Variants in PLD5 observed in about 807,000 individuals in gnomAD.
PLD5 encodes inactive phospholipase D5.
In PLD5, 36 loss-of-function variants were observed where a neutral mutation model predicts 61.1. That is an observed-to-expected ratio of 0.59 (90% CI 0.45 to 0.78). The LOEUF is 0.78. Ranked by LOEUF, PLD5 falls within the 30% of genes least tolerant of loss-of-function variation. The pLI, the probability that PLD5 is intolerant of heterozygous loss-of-function variation, is 0.00. For missense variants in PLD5, 515 were observed against 644.4 expected (o/e 0.80, Z 2.17); for synonymous variants, 243 against 242.8 (o/e 1.00, Z -0.01).
At chr1:242,360,807 C>A (rs1485497836) in intron 1 of PLD5, among the ~76,000 whole-genome samples, 1 of 152,058 alleles carries the variant, frequency 6.6e-6, no homozygotes, top group Non-Finnish European at 1.5e-5. Context: ...AGTGATTAAA[C>A]TTTTTTCATT....
intron 1 of PLD5, among the ~76,000 whole-genome samples, chr1:242,394,043 C>T (rs139502678): frequency 0.086 from 11,149 of 129,216 alleles, 1,421 homozygotes; most frequent in African/African-American, 0.18. Context: ...CTGGATAAGA[C>T]GACGACTCCA....
rs1672427251 is a variant in PLD5, at chr1:242,247,091, C to T, written c.607+18246G>A. On this transcript the variant is annotated intron_variant, in intron 4 of 9. Coordinates refer to ENST00000536534, the MANE Select transcript of PLD5 (RefSeq NM_001372062.1). ...CTCCGCCTCCCGGGTTCACGCCATT[C>T]TCCTGCCTCAGCCTCCCGTGTAGCT... 2.6e-5 allele frequency among the ~76,000 whole-genome samples: 4 copies of T among 151,634 alleles called. No homozygotes were observed. In the South Asian group the frequency reaches 8.3e-4, roughly 32 times the overall value.
chr1:242,152,550 TTG>T (rs1270058210), intron 5 of PLD5, among the ~76,000 whole-genome samples: 2 of 150,658 alleles, frequency 1.3e-5, no homozygotes, highest in African/African-American at 4.9e-5. Flanking sequence ...GTTTCCCTCC[TTG>T]TGTCCATGTG....
chr1:242,432,041 C>A (rs921010936), intron 1 of PLD5, among the ~76,000 whole-genome samples: 1 of 152,064 alleles, frequency 6.6e-6, no homozygotes. Context: ...AAAGGGGGCA[C>A]AACGGTAGTG....
chr1:242,096,193 C>T (rs910120907), intron 9 of PLD5, among the ~76,000 whole-genome samples: 2 of 152,142 alleles, frequency 1.3e-5, no homozygotes, highest in East Asian at 1.9e-4. Context: ...CTCTTGACTT[C>T]GTGATCCGCC....
At chr1:242,292,991 A>G (rs999286562) in intron 2 of PLD5, among the ~76,000 whole-genome samples, 4 of 152,216 alleles carry the variant, frequency 2.6e-5, no homozygotes, top group African/African-American at 9.6e-5. Context: ...AAAGGGGTCC[A>G]TGGCTAAAAA....
At chr1:242,162,436 T>C (rs1214092947) in intron 5 of PLD5, among the ~76,000 whole-genome samples, 1 of 152,166 alleles carries the variant, frequency 6.6e-6, no homozygotes, top group Non-Finnish European at 1.5e-5. Context: ...GTCAATATGA[T>C]TATTGTCAGT....
intron 1 of PLD5, among the ~76,000 whole-genome samples, chr1:242,393,735 T>C (rs1418147187): frequency 8.8e-5 from 13 of 147,620 alleles, no homozygotes; most frequent in Non-Finnish European, 1.3e-4. Context: ...TGTGTGTATA[T>C]ATGAGTATAT....
chr1:242,458,115 C>T (rs1302038789), intron 1 of PLD5, among the ~76,000 whole-genome samples: 2 of 152,146 alleles, frequency 1.3e-5, no homozygotes, highest in Non-Finnish European at 2.9e-5. Context: ...CACATGGTAT[C>T]GGGGCTCTCA....
chr1:242,437,563 G>T (rs557979609), intron 1 of PLD5, among the ~76,000 whole-genome samples: 2 of 152,198 alleles, frequency 1.3e-5, no homozygotes, highest in South Asian at 2.1e-4. Flanking sequence ...CAGGTGTGGT[G>T]GTGTGCGCCT....
At chr1:242,529,971 C>A in the PLD5 span, among the ~76,000 whole-genome samples, 2 of 152,160 alleles carry the variant, frequency 1.3e-5, no homozygotes, top group Non-Finnish European at 2.9e-5. Flanking sequence ...TGGGTTCAGG[C>A]GATTCTCCTG....
chr1:242,348,880 C>A (rs1238973885), intron 1 of PLD5, among the ~76,000 whole-genome samples: 2 of 152,148 alleles, frequency 1.3e-5, no homozygotes, highest in African/African-American at 4.8e-5. Context: ...CGGTGAAACC[C>A]TGTCTCTACT....
At chr1:242,279,178 C>A (rs1329700996) in intron 3 of PLD5, among the ~76,000 whole-genome samples, 7 of 152,212 alleles carry the variant, frequency 4.6e-5, no homozygotes, top group Non-Finnish European at 8.8e-5. Flanking sequence ...ACTGAGGGAA[C>A]AATTGCAATC....
At chr1:242,483,144 C>T (rs552295727) in intron 1 of PLD5, among the ~76,000 whole-genome samples, 1 of 152,270 alleles carries the variant, frequency 6.6e-6, no homozygotes, top group East Asian at 1.9e-4. Context: ...GAAGAAACTG[C>T]ATCAACTAAC....
At chr1:242,425,836 G>A (rs1201142347) in intron 1 of PLD5, among the ~76,000 whole-genome samples, 5 of 151,542 alleles carry the variant, frequency 3.3e-5, no homozygotes, top group Admixed American at 2.6e-4. Flanking sequence ...GTAGAGATGG[G>A]GTTTCATCCT....
At chr1:242,377,221 A>T (rs950247572) in intron 1 of PLD5, 2 of 1,611,522 alleles carry the variant, frequency 1.2e-6, no homozygotes, top group Non-Finnish European at 1.7e-6. Flanking sequence ...CGGCACTGGT[A>T]GGAAGAACCA....
At position 242,297,621 on chromosome 1, in the gene PLD5, CTTTTTTTTTTTTTTTTTT is replaced by C. The variant is rs56851216; in HGVS notation, c.327-9109_327-9092del. Among the ~76,000 whole-genome samples, 24 of 107,222 alleles carry C rather than the reference CTTTTTTTTTTTTTTTTTT, an allele frequency of 2.2e-4. 1 individual carries two copies. In the Admixed American group the frequency reaches 2.3e-3, roughly 10 times the overall value. The allele number at this position is 107,222 out of a possible 152,430, so 70.3% of individuals were successfully genotyped here. A position where few individuals can be genotyped will look rare whatever the true frequency, so the allele number is the denominator to read the frequency against. ...GTTTAATTAGTATGGATTCATGTTT[CTTTTTTTTTTTTTTTTTT>C]TTTTTTTTTTTGAGATGGAGTCTCG... On this transcript the variant is annotated intron_variant, in intron 2 of 9. Transcript: ENST00000536534.
At chr1:242,484,011 T>C (rs577017615) in intron 1 of PLD5, among the ~76,000 whole-genome samples, 1,737 of 151,472 alleles carry the variant, frequency 0.011, 35 homozygotes, top group African/African-American at 0.041. Context: ...TTGAAACCAA[T>C]GAGAACAAAG....
At chr1:242,395,698 A>G (rs1399711081) in intron 1 of PLD5, among the ~76,000 whole-genome samples, 2 of 152,206 alleles carry the variant, frequency 1.3e-5, no homozygotes, top group Non-Finnish European at 2.9e-5. Flanking sequence ...ACCTGGAACC[A>G]CAGATAAAGC....
Sources: allele counts gnomAD v4.1 joint callset (sites outside exome capture counted in the v4.1 genomes callset), GRCh38; gene constraint gnomAD v4.1.1; transcripts MANE v1.5; gene names NCBI Gene and HGNC (gene_info 2026-07-23, HGNC 2026-07-21).